Variants in FKBP9 observed in about 807,000 individuals in gnomAD.
FKBP9 encodes the protein FKBP prolyl isomerase 9, also known as peptidyl-prolyl cis-trans isomerase FKBP9.
A neutral mutation model predicts 55.6 loss-of-function variants in FKBP9; 27 were observed. The ratio of observed to expected loss-of-function variants is 0.49; its 90% CI spans 0.36 to 0.67. The LOEUF (loss-of-function observed/expected upper bound fraction) is 0.67, where lower values mean the gene tolerates loss of function less well. Among genes scored for constraint, FKBP9 ranks in the 30% least tolerant of loss-of-function variants. FKBP9 has a pLI of 0.00. For missense variants in FKBP9, 539 were observed against 742.8 expected (o/e 0.73, Z 3.19); for synonymous variants, 267 against 296.5 (o/e 0.90, Z 1.02).
chr7:32,960,468 T>A (rs952899059), intron 1 of FKBP9, among the ~76,000 whole-genome samples: 6 of 152,182 alleles, frequency 3.9e-5, no homozygotes, highest in African/African-American at 1.4e-4. Flanking sequence ...TCATTGTGGT[T>A]TCGATCTGCA....
In FKBP9 at chr7:33,000,723, A is replaced by T. The variant is rs1179776366; in HGVS notation, c.1372+463A>T. Among the ~76,000 whole-genome samples, 4 of 151,982 alleles carry T rather than the reference A, an allele frequency of 2.6e-5. No individual in the cohort carries two copies. In the East Asian group the frequency reaches 7.7e-4, roughly 29 times the overall value. ...AATACTGGCTTTACCTCATCCTCAC[A>T]GTGGTTATGTTTTACTCCATCATTT... is the stretch of plus-strand genomic sequence containing the variant. On this transcript the variant is annotated intron_variant, in intron 8 of 9. Transcript: ENST00000242209.
At chr7:32,959,692 T>G (rs1187031052) in intron 1 of FKBP9, among the ~76,000 whole-genome samples, 1 of 152,222 alleles carries the variant, frequency 6.6e-6, no homozygotes, top group African/African-American at 2.4e-5. Flanking sequence ...TCTGGACATT[T>G]TGTATAAATG....
chr7:32,973,433 C>T (rs180953678), intron 1 of FKBP9, among the ~76,000 whole-genome samples: 14 of 152,036 alleles, frequency 9.2e-5, no homozygotes, highest in Admixed American at 5.9e-4. Context: ...GCATTTTTCA[C>T]GTTGTTACAC....
intron 7 of FKBP9, 72 bp from the exon 8 acceptor site, chr7:33,000,043 T>C: frequency 6.4e-7 from 1 of 1,573,864 alleles, no homozygotes; most frequent in Non-Finnish European, 8.7e-7. Flanking sequence ...AAGTGATGTG[T>C]TCTTCTCATG....
Position 32,963,618 on chromosome 7 carries a change from C to T in FKBP9, c.221+5824C>T, listed in dbSNP as rs184876829. The T allele has an allele frequency of 5.6e-5, 82 of 1,456,118 alleles. No individual in the cohort carries two copies. The African/African-American group carries it at 5.7e-4, about 10-fold the overall frequency. The allele number at this position is 1,456,118 out of a possible 1,614,324, so 90.2% of individuals were successfully genotyped here. Reference sequence around the variant, plus strand: ...GTCAGGGTTGGGGTGAACACAAGCCCGTCCTGCAGACTTAAGCAGAAAGGA... The same window carrying T: ...GTCAGGGTTGGGGTGAACACAAGCCTGTCCTGCAGACTTAAGCAGAAAGGA... On this transcript the variant is annotated intron_variant, in intron 1 of 9. Coordinates refer to ENST00000242209, the MANE Select transcript of FKBP9 (RefSeq NM_007270.5).
intron 9 of FKBP9, 113 bp downstream of exon 9, chr7:33,002,952 AG>A: frequency 2.0e-6 from 2 of 1,004,366 alleles, no homozygotes; most frequent in Middle Eastern, 2.5e-4. Flanking sequence ...AGCTGGCTGG[AG>A]GGCTTGTGAG....
At chr7:32,981,004 G>A (rs1784466576) in intron 5 of FKBP9, among the ~76,000 whole-genome samples, 1 of 149,440 alleles carries the variant, frequency 6.7e-6, no homozygotes, top group Admixed American at 6.7e-5. Flanking sequence ...AGACAGGAGA[G>A]ACTCACCCTC....
At chr7:32,999,286 A>AG (rs1407421118) in intron 7 of FKBP9, among the ~76,000 whole-genome samples, 1 of 152,130 alleles carries the variant, frequency 6.6e-6, no homozygotes, top group Non-Finnish European at 1.5e-5. Context: ...ATGGGCATCA[A>AG]GGGGGGTCAG....
intron 5 of FKBP9, among the ~76,000 whole-genome samples, chr7:32,982,140 C>T (rs2127983582): frequency 6.6e-6 from 1 of 151,656 alleles, no homozygotes; most frequent in South Asian, 2.1e-4. Flanking sequence ...CCTGCCTCAG[C>T]CTCCCAAGTA....
rs1005067995 is a variant in FKBP9 at position 32,963,815 on chromosome 7, C to T, written c.221+6021C>T. 302 of 1,194,864 alleles carry T rather than the reference C, an allele frequency of 2.5e-4. 1 individual carries two copies. The African/African-American group carries it at 4.3e-3, about 17-fold the overall frequency. The allele number at this position is 1,194,864 out of a possible 1,614,324, so 74.0% of individuals were successfully genotyped here. A position where few individuals can be genotyped will look rare whatever the true frequency, so the allele number is the denominator to read the frequency against. ...TGCACACATGACCTCTGGGATCCAG[C>T]ACCAGCGCCGACAAACTGGACTTTC... On this transcript the variant is annotated intron_variant, in intron 1 of 9. Coordinates refer to ENST00000242209, the MANE Select transcript of FKBP9 (RefSeq NM_007270.5).
chr7:32,981,931 C>A (rs1478112826), intron 5 of FKBP9, among the ~76,000 whole-genome samples: 1 of 150,762 alleles, frequency 6.6e-6, no homozygotes, highest in African/African-American at 2.4e-5. Flanking sequence ...ATGTTGTATA[C>A]CTGTTCCTGT....
chr7:32,997,271 C>T (rs1295978232), intron 7 of FKBP9, among the ~76,000 whole-genome samples: 1 of 152,142 alleles, frequency 6.6e-6, no homozygotes, highest in Non-Finnish European at 1.5e-5. Context: ...AAGGTTTTGC[C>T]ATGTTGCCCT....
rs377183637 is a variant in FKBP9 at position 32,993,513 on chromosome 7, A to G, written c.1040-2650A>G. ...ACTTAGCATAATGTTTTCAAGGTCTATTTGTATTTTAGCATTTATCAAAAT... is the reference window on the plus strand; with the variant it reads ...ACTTAGCATAATGTTTTCAAGGTCTGTTTGTATTTTAGCATTTATCAAAAT... On this transcript the variant is annotated intron_variant, in intron 6 of 9. Transcript: ENST00000242209. Among the ~76,000 whole-genome samples the G allele has an allele frequency of 1.7e-4, 26 of 152,160 alleles. 2 individuals carry two copies. Among genetic ancestry groups the G allele is most frequent in the East Asian group, 1.4e-3 (7 of 5,184 alleles).
chr7:33,001,577 G>T (rs1037325591), intron 8 of FKBP9, among the ~76,000 whole-genome samples: 2 of 151,572 alleles, frequency 1.3e-5, no homozygotes, highest in Non-Finnish European at 2.9e-5. Flanking sequence ...CTTTTTCTGT[G>T]ATATATTATT....
intron 1 of FKBP9, among the ~76,000 whole-genome samples, chr7:32,965,884 T>TATAG (rs1554284369): frequency 2.5e-4 from 28 of 110,378 alleles, no homozygotes; most frequent in East Asian, 1.5e-3. Flanking sequence ...TATATATATA[T>TATAG]AGAGAGAGAG....
At position 32,988,642 on chromosome 7, in the gene FKBP9, G is replaced by A; in HGVS notation, c.1029G>A (p.Glu343=). The A allele has an allele frequency of 6.2e-7, 1 of 1,613,930 alleles. No homozygotes were observed. The highest frequency in any genetic ancestry group is 1.1e-5 in the South Asian group (1 of 91,070). Reference sequence around the variant, plus strand: ...TCCCGCCTCACCTGGGGTATGGAGAGGAAGGAAGAGGTGAGCATCAGCATC... The same window carrying A: ...TCCCGCCTCACCTGGGGTATGGAGAAGAAGGAAGAGGTGAGCATCAGCATC... ...IVVPPHLGYG[E]EGRGNIPGSA... Residue 343 remains glutamate (E), a synonymous_variant, in exon 6 of 10, where the codon GAG becomes GAA. Coordinates refer to ENST00000242209, the MANE Select transcript of FKBP9 (RefSeq NM_007270.5).
intron 5 of FKBP9, among the ~76,000 whole-genome samples, chr7:32,984,818 A>G (rs1233154843): frequency 6.6e-6 from 1 of 152,240 alleles, no homozygotes; most frequent in African/African-American, 2.4e-5. Flanking sequence ...AACATCCGTC[A>G]TGAATGACTC....
chr7:33,000,773 G>A (rs1784915093), intron 8 of FKBP9, among the ~76,000 whole-genome samples: 1 of 134,818 alleles, frequency 7.4e-6, no homozygotes, highest in South Asian at 2.2e-4. Flanking sequence ...CCTCCACGTG[G>A]GGATTCAATA....
chr7:32,994,327 A>G (rs181163148), intron 6 of FKBP9, among the ~76,000 whole-genome samples: 1 of 152,276 alleles, frequency 6.6e-6, no homozygotes, highest in Admixed American at 6.5e-5. Flanking sequence ...ATGTTTCCAT[A>G]TCCCTGGAAT....
Sources: allele counts gnomAD v4.1 joint callset (sites outside exome capture counted in the v4.1 genomes callset), GRCh38; gene constraint gnomAD v4.1.1; transcripts MANE v1.5; gene names NCBI Gene and HGNC (gene_info 2026-07-23, HGNC 2026-07-21).